Variants in BANP observed in about 807,000 individuals in gnomAD.
BANP encodes protein BANP.
BANP carries 11 observed loss-of-function variants against 68.1 expected under a neutral mutation model. The ratio of observed to expected loss-of-function variants is 0.16; its 90% CI spans 0.10 to 0.27. The LOEUF is 0.27. Ranked by LOEUF, BANP falls within the 10% of genes least tolerant of loss-of-function variation. The pLI is 1.00. For synonymous variants in BANP, 329 were observed against 303.2 expected (o/e 1.09, Z -0.88); for missense variants, 504 against 722.7 (o/e 0.70, Z 3.47).
At chr16:88,033,878 G>A (rs1226184896) in intron 9 of BANP, among the ~76,000 whole-genome samples, 1 of 152,080 alleles carries the variant, frequency 6.6e-6, no homozygotes, top group Non-Finnish European at 1.5e-5. Context: ...GGATTCTGTG[G>A]CATGAGAGTA....
intron 10 of BANP, chr16:88,037,654 C>G (rs2079691816): frequency 2.6e-6 from 1 of 380,376 alleles, no homozygotes; most frequent in African/African-American, 2.1e-5. Flanking sequence ...CTCTCTGCTA[C>G]TTTCTGTACT....
chr16:88,019,028 GC>G (rs199716368), intron 7 of BANP, among the ~76,000 whole-genome samples: 2 of 75,132 alleles, frequency 2.7e-5, no homozygotes, highest in Admixed American at 1.1e-4. Context: ...GCTGACCCAG[GC>G]CCCCCTGAGC....
intron 1 of BANP, among the ~76,000 whole-genome samples, chr16:87,964,304 C>A (rs1249777863): frequency 6.6e-6 from 1 of 152,262 alleles, no homozygotes; most frequent in Non-Finnish European, 1.5e-5. Context: ...AGAACACAGC[C>A]ATGCCAATTC....
chr16:87,967,486 C>T (rs1054765521), intron 1 of BANP, among the ~76,000 whole-genome samples: 2 of 152,082 alleles, frequency 1.3e-5, no homozygotes, highest in Admixed American at 6.5e-5. Context: ...AGACGGATCT[C>T]GCTCTGTCAC....
At chr16:88,048,787 G>T (rs2082584390) in intron 11 of BANP, among the ~76,000 whole-genome samples, 1 of 152,070 alleles carries the variant, frequency 6.6e-6, no homozygotes, top group African/African-American at 2.4e-5. Flanking sequence ...AGTGTTCTCG[G>T]TATGGAATAG....
chr16:88,020,355 G>A (rs904378753), intron 7 of BANP, among the ~76,000 whole-genome samples: 2 of 152,230 alleles, frequency 1.3e-5, no homozygotes, highest in Non-Finnish European at 2.9e-5. Flanking sequence ...AGGGCATGGC[G>A]TGGCCAGGAG....
intron 6 of BANP, among the ~76,000 whole-genome samples, chr16:88,013,542 GCT>G (rs749165652): frequency 5.9e-5 from 9 of 152,148 alleles, no homozygotes; most frequent in Non-Finnish European, 1.3e-4. Context: ...GATGGGACGG[GCT>G]CTCTCTCAGT....
chr16:88,015,774 C>T (rs1188022318), intron 6 of BANP, among the ~76,000 whole-genome samples: 7 of 152,266 alleles, frequency 4.6e-5, no homozygotes, highest in Admixed American at 6.5e-5. Context: ...GCTCTTCTAG[C>T]GCCTCAGCGG....
intron 1 of BANP, among the ~76,000 whole-genome samples, chr16:87,967,782 C>CTGGCCAGAAAAGGTT (rs2060330631): frequency 6.6e-6 from 1 of 152,006 alleles, no homozygotes. Context: ...GCCACCACGC[C>CTGGCCAGAAAAGGTT]CTGCTAATTT....
rs78310997 is a variant in BANP, at chr16:87,974,123, T to C, written c.-68-925T>C. Among the ~76,000 whole-genome samples the C allele has an allele frequency of 4.2e-3, 633 of 152,338 alleles. 4 individuals carry two copies. Among genetic ancestry groups the C allele is most frequent in the African/African-American group, 0.015 (614 of 41,568 alleles). On this transcript the variant is annotated intron_variant, in intron 1 of 13. Coordinates refer to ENST00000682872, the MANE Select transcript of BANP (RefSeq NM_001386991.1). ...GGGAAGACAGTTTACTTTATACCAT[T>C]TATGTGTCAATAATTAAAATATAAA...
intron 3 of BANP, among the ~76,000 whole-genome samples, chr16:87,982,115 G>A (rs1239990348): frequency 6.6e-6 from 1 of 152,230 alleles, no homozygotes; most frequent in Admixed American, 6.5e-5. Flanking sequence ...TGGATAGGAT[G>A]TGGCTCTGTT....
At position 88,022,744 on chromosome 16, in the gene BANP, C is replaced by T. The variant is rs182264335; in HGVS notation, c.895+4077C>T. On this transcript the variant is annotated intron_variant, in intron 7 of 13. Transcript: ENST00000682872. The stretch of plus-strand genomic sequence containing the variant: ...GCCACGCTGCCTGAGAAGGCCCTTT[C>T]CCTCTCCCAGCTTCTGGTGGTGGCC... Among the ~76,000 whole-genome samples the T allele has an allele frequency of 1.1e-4, 17 of 152,288 alleles. No individual in the cohort carries two copies. In the East Asian group the frequency reaches 2.3e-3, roughly 21 times the overall value.
intron 7 of BANP, among the ~76,000 whole-genome samples, chr16:88,022,372 T>TG (rs1299974734): frequency 2.0e-5 from 3 of 152,360 alleles, no homozygotes; most frequent in African/African-American, 4.8e-5. Flanking sequence ...CTGCTGTGGA[T>TG]GGCCGATCCC....
In BANP at chr16:88,036,192, G is replaced by A. The variant is rs2079309520; in HGVS notation, c.1272+798G>A. ...TACTCAGTGACCGTGGTGCGCTCTG[G>A]GGGATGAGGAACATGGCTGTTTCTA... On this transcript the variant is annotated intron_variant, in intron 10 of 13. Transcript: ENST00000682872. This position sits in a 1 kb window ranked among gnomAD's most constrained non-coding sequence, Gnocchi z 4.2. Among the ~76,000 whole-genome samples the A allele has an allele frequency of 2.0e-5, 3 of 152,212 alleles. No homozygotes were observed. In the South Asian group the frequency reaches 6.2e-4, roughly 31 times the overall value.
intron 12 of BANP, among the ~76,000 whole-genome samples, chr16:88,065,599 G>A (rs1206896161): frequency 2.6e-5 from 4 of 152,182 alleles, no homozygotes; most frequent in South Asian, 2.1e-4. Flanking sequence ...CGCTTGCCAG[G>A]TGCTTTCTGA....
chr16:87,968,689 C>A (rs887327946), intron 1 of BANP, among the ~76,000 whole-genome samples: 2 of 151,950 alleles, frequency 1.3e-5, no homozygotes, highest in Non-Finnish European at 2.9e-5. Context: ...TGACAGGGCC[C>A]CTCAGTCAGG....
intron 1 of BANP, among the ~76,000 whole-genome samples, chr16:87,973,523 G>T (rs1468450448): frequency 1.3e-5 from 2 of 152,122 alleles, no homozygotes; most frequent in Admixed American, 6.5e-5. Flanking sequence ...CACCTTGGGA[G>T]GCCGAGGCAT....
chr16:87,973,534 G>T (rs1349533342), intron 1 of BANP, among the ~76,000 whole-genome samples: 1 of 152,114 alleles, frequency 6.6e-6, no homozygotes, highest in Non-Finnish European at 1.5e-5. Flanking sequence ...GCCGAGGCAT[G>T]CGGATCACCT....
intron 12 of BANP, among the ~76,000 whole-genome samples, chr16:88,068,954 GCCCCTGTCCGTGCACCCAGCCCAGC>G (rs1388286753): frequency 6.6e-6 from 1 of 151,816 alleles, no homozygotes; most frequent in Non-Finnish European, 1.5e-5. Flanking sequence ...TCTCTTTCCT[GCCCCTGTCCGTGCACCCAGCCCAGC>G]CCCCTGCCCC....
Sources: gnomAD v4.1 joint callset for allele counts (sites outside exome capture counted in the v4.1 genomes callset) on GRCh38, gnomAD v4.1.1 for gene constraint, Gnocchi (gnomAD v3.1) non-coding constraint, MANE v1.5 for transcripts, NCBI Gene and HGNC (gene_info 2026-07-23, HGNC 2026-07-21) for gene names.